The following SGCD variants were observed in gnomAD, a reference collection of about 807,000 sequenced individuals.
SGCD encodes delta-sarcoglycan.
Under a neutral mutation model 36.6 loss-of-function variants are expected in SGCD, and 18 were observed. The ratio of observed to expected loss-of-function variants is 0.49; its 90% CI spans 0.34 to 0.73. The LOEUF is 0.73. SGCD is among the 30% of genes least tolerant of loss of function. SGCD has a pLI of 0.01. For synonymous variants in SGCD, 133 were observed against 130.6 expected, an observed-to-expected ratio of 1.02 and a Z score of -0.12; for missense variants, 387 against 346.7, an observed-to-expected ratio of 1.12 and a Z score of -0.92.
At chr5:156,399,618 A>G (rs1317739794) in intron 3 of SGCD, among the ~76,000 whole-genome samples, 2 of 152,154 alleles carry the variant, frequency 1.3e-5, no homozygotes, top group African/African-American at 4.8e-5. Flanking sequence ...TCCCTTAGTT[A>G]AGACAACGAA....
At chr5:156,222,439 T>G (rs1019891958) in intron 3 of SGCD, among the ~76,000 whole-genome samples, 1 of 152,140 alleles carries the variant, frequency 6.6e-6, no homozygotes, top group African/African-American at 2.4e-5. Flanking sequence ...TGGCAAGTTT[T>G]GAGAAACTCT....
At chr5:155,885,149 T>C (rs1428152653) in intron 1 of SGCD, among the ~76,000 whole-genome samples, 1 of 117,014 alleles carries the variant, frequency 8.5e-6, no homozygotes, top group Non-Finnish European at 1.6e-5. Context: ...TTTGGGTAGA[T>C]GGTATATGTT....
At chr5:155,851,760 C>T in the SGCD span, among the ~76,000 whole-genome samples, 1 of 152,160 alleles carries the variant, frequency 6.6e-6, no homozygotes, top group Non-Finnish European at 1.5e-5. Context: ...CTTCCTGTAC[C>T]ACCATCTTGA....
intron 3 of SGCD, among the ~76,000 whole-genome samples, chr5:156,428,349 A>G (rs147118809): frequency 1.4e-4 from 22 of 152,200 alleles, no homozygotes; most frequent in African/African-American, 5.3e-4. Context: ...GTAGCCTTGA[A>G]TGATCTTTTG....
At chr5:156,049,627 G>A (rs1324166201) in intron 1 of SGCD, among the ~76,000 whole-genome samples, 1 of 146,514 alleles carries the variant, frequency 6.8e-6, no homozygotes, top group Non-Finnish European at 1.5e-5. Context: ...AATATATTTT[G>A]TAAGTCTATA....
chr5:156,053,826 A>G (rs1458852752), intron 1 of SGCD, among the ~76,000 whole-genome samples: 1 of 146,580 alleles, frequency 6.8e-6, no homozygotes, highest in Non-Finnish European at 1.5e-5. Context: ...AAAGTTCAAA[A>G]TCAAGATGCT....
chr5:156,136,646 CGAA>C (rs1762465831), intron 3 of SGCD, among the ~76,000 whole-genome samples: 2 of 151,982 alleles, frequency 1.3e-5, no homozygotes, highest in Admixed American at 6.6e-5. Flanking sequence ...TAAAGACAGA[CGAA>C]GATTCCATAT....
chr5:156,085,140 T>C (rs1761061713), intron 1 of SGCD, among the ~76,000 whole-genome samples: 1 of 152,184 alleles, frequency 6.6e-6, no homozygotes, highest in Non-Finnish European at 1.5e-5. Context: ...TCATGAGAGA[T>C]ACTTGTCTGT....
chr5:156,190,746 A>C (rs1217507274), intron 3 of SGCD, among the ~76,000 whole-genome samples: 3 of 152,140 alleles, frequency 2.0e-5, no homozygotes, highest in African/African-American at 7.2e-5. Context: ...AGAGCAGGAA[A>C]AAGGTGGTAG....
At chr5:156,524,756 C>T (rs1158685393) in intron 4 of SGCD, among the ~76,000 whole-genome samples, 1 of 151,964 alleles carries the variant, frequency 6.6e-6, no homozygotes, top group African/African-American at 2.4e-5. Flanking sequence ...ACCCCACTCC[C>T]ACCCTCACTA....
intron 1 of SGCD, among the ~76,000 whole-genome samples, chr5:156,060,810 A>G (rs887295186): frequency 1.4e-5 from 2 of 146,222 alleles, no homozygotes; most frequent in Admixed American, 1.4e-4. Context: ...AAAGATTGAC[A>G]TTAAATAATT....
intron 4 of SGCD, among the ~76,000 whole-genome samples, chr5:156,579,698 G>C (rs1191198872): frequency 6.6e-6 from 1 of 151,978 alleles, no homozygotes; most frequent in East Asian, 1.9e-4. Context: ...TTCTTTGTTG[G>C]TTTAAAGTCT....
intron 3 of SGCD, chr5:156,458,470 C>T (rs1422357081): frequency 1.9e-6 from 3 of 1,609,708 alleles, no homozygotes; most frequent in Non-Finnish European, 2.6e-6. Flanking sequence ...GGCAGCTCAT[C>T]CCCAACACAG....
chr5:156,727,143 G>A (rs1561879688), intron 7 of SGCD, among the ~76,000 whole-genome samples: 1 of 152,140 alleles, frequency 6.6e-6, no homozygotes, highest in Non-Finnish European at 1.5e-5. Flanking sequence ...TGCAAGTTGG[G>A]AATGTACAGC....
chr5:155,968,521 G>C (rs1202471131), intron 1 of SGCD, among the ~76,000 whole-genome samples: 1 of 152,030 alleles, frequency 6.6e-6, no homozygotes, highest in Non-Finnish European at 1.5e-5. Context: ...TTTTATTACA[G>C]TCTATTGTTG....
intron 1 of SGCD, among the ~76,000 whole-genome samples, chr5:155,902,810 T>C (rs1756419502): frequency 6.6e-6 from 1 of 152,202 alleles, no homozygotes; most frequent in African/African-American, 2.4e-5. Flanking sequence ...CAATTGCTTA[T>C]TCAAAGCATT....
chr5:155,838,536 A>G, the SGCD span, among the ~76,000 whole-genome samples: 1 of 152,148 alleles, frequency 6.6e-6, no homozygotes. Flanking sequence ...TAGAGTAGCA[A>G]TTCTCAAAGT....
chr5:156,047,768 A>C (rs1005505546), intron 1 of SGCD, among the ~76,000 whole-genome samples: 1 of 152,076 alleles, frequency 6.6e-6, no homozygotes, highest in South Asian at 2.1e-4. Flanking sequence ...TACAACCTTC[A>C]TTCTCCAGCC....
At chr5:156,581,403 C>T (rs1222048215) in intron 4 of SGCD, among the ~76,000 whole-genome samples, 3 of 152,228 alleles carry the variant, frequency 2.0e-5, no homozygotes, top group Non-Finnish European at 2.9e-5. Flanking sequence ...GGCAGTCTGT[C>T]CATTCTCCAA....
Sources: gnomAD v4.1 joint callset for allele counts (sites outside exome capture counted in the v4.1 genomes callset) on GRCh38, gnomAD v4.1.1 for gene constraint, MANE v1.5 for transcripts, NCBI Gene and HGNC (gene_info 2026-07-23, HGNC 2026-07-21) for gene names.